The following SNTG1 variants were observed in gnomAD, a reference collection of about 807,000 sequenced individuals.
The protein encoded by SNTG1 is syntrophin gamma 1.
In SNTG1, 39 loss-of-function variants were observed where a neutral mutation model predicts 74.7. The ratio of observed to expected loss-of-function variants is 0.52; its 90% CI spans 0.40 to 0.68. SNTG1 has a LOEUF of 0.68. Among genes scored for constraint, SNTG1 ranks in the 30% least tolerant of loss-of-function variants. The pLI, the probability that SNTG1 is intolerant of heterozygous loss-of-function variation, is 0.00. For missense variants in SNTG1, 685 were observed against 609.5 expected, an observed-to-expected ratio of 1.12 and a Z score of -1.30; for synonymous variants, 254 against 217.1, an observed-to-expected ratio of 1.17 and a Z score of -1.49.
chr8:50,679,823 T>G (rs1209638321), intron 15 of SNTG1, among the ~76,000 whole-genome samples: 1 of 152,172 alleles, frequency 6.6e-6, no homozygotes, highest in Non-Finnish European at 1.5e-5. Flanking sequence ...TTTGTAACTT[T>G]TGAAGATTGC....
intron 9 of SNTG1, among the ~76,000 whole-genome samples, chr8:50,511,693 C>T (rs779829432): frequency 3.9e-5 from 6 of 152,124 alleles, no homozygotes; most frequent in Non-Finnish European, 5.9e-5. Flanking sequence ...CTCTTTTCAT[C>T]TTTGTTGGTT....
chr8:50,057,123 C>G (rs892961157), intron 1 of SNTG1, among the ~76,000 whole-genome samples: 2 of 152,110 alleles, frequency 1.3e-5, no homozygotes, highest in Admixed American at 1.3e-4. Context: ...AAATAAATTA[C>G]GTGGACAGCC....
At chr8:50,139,358 C>A (rs575953577) in intron 1 of SNTG1, among the ~76,000 whole-genome samples, 1 of 152,250 alleles carries the variant, frequency 6.6e-6, no homozygotes, top group East Asian at 1.9e-4. Context: ...TGCATAATTT[C>A]TAAATATGAC....
At chr8:50,759,625 G>A (rs1360675264) in intron 18 of SNTG1, among the ~76,000 whole-genome samples, 2 of 151,926 alleles carry the variant, frequency 1.3e-5, no homozygotes, top group African/African-American at 4.8e-5. Flanking sequence ...TTGTAGATGT[G>A]TGGTATTATT....
At chr8:50,432,537 T>C (rs2093249823) in intron 4 of SNTG1, among the ~76,000 whole-genome samples, 1 of 152,146 alleles carries the variant, frequency 6.6e-6, no homozygotes, top group African/African-American at 2.4e-5. Flanking sequence ...ATTAGTTTGC[T>C]AGTATCCACA....
In SNTG1 at chr8:50,018,399, A is replaced by G. The variant is rs553673857; in HGVS notation, c.-103+106168A>G. Among the ~76,000 whole-genome samples, 9 of 152,162 alleles carry G rather than the reference A, an allele frequency of 5.9e-5. No homozygotes were observed. In the South Asian group the frequency reaches 1.4e-3, roughly 25 times the overall value. On this transcript the variant is annotated intron_variant, in intron 1 of 18. Coordinates refer to ENST00000642720, the MANE Select transcript of SNTG1 (RefSeq NM_018967.5). ...TGCCAAGATCATTCAATGGAGAGGG[A>G]AAATTCTTGTTAACAAATGTTCCTG...
At chr8:50,591,018 A>T in intron 13 of SNTG1, 101 bp downstream of exon 13, 3 of 690,882 alleles carry the variant, frequency 4.3e-6, no homozygotes, top group Non-Finnish European at 6.8e-6. Flanking sequence ...AATAATTGGT[A>T]CTGTCATTTA....
chr8:50,427,466 G>A (rs181341456), intron 4 of SNTG1, among the ~76,000 whole-genome samples: 3 of 152,140 alleles, frequency 2.0e-5, no homozygotes, highest in Admixed American at 6.5e-5. Flanking sequence ...GTCTCCCTCT[G>A]TTACCAAGCT....
intron 18 of SNTG1, among the ~76,000 whole-genome samples, chr8:50,768,962 G>A (rs951965528): frequency 1.3e-5 from 2 of 152,016 alleles, no homozygotes; most frequent in African/African-American, 4.8e-5. Context: ...GTGTGGTGAA[G>A]AAGATATCTG....
At chr8:50,709,669 G>A (rs948202936) in intron 17 of SNTG1, among the ~76,000 whole-genome samples, 1 of 152,100 alleles carries the variant, frequency 6.6e-6, no homozygotes, top group Admixed American at 6.5e-5. Flanking sequence ...TTAATTGGAA[G>A]CGATCTTAAA....
chr8:50,290,161 T>C (rs4873143), intron 2 of SNTG1, among the ~76,000 whole-genome samples: 89,985 of 151,976 alleles, frequency 0.59, 29,311 homozygotes, highest in East Asian at 0.85. Context: ...GAAACATTCC[T>C]TCAGCCTCAT....
At chr8:50,702,941 A>C (rs1434610443) in intron 15 of SNTG1, among the ~76,000 whole-genome samples, 1 of 152,230 alleles carries the variant, frequency 6.6e-6, no homozygotes, top group Non-Finnish European at 1.5e-5. Flanking sequence ...ATTTAAAAAA[A>C]AAATGATACA....
chr8:50,153,700 G>T (rs561474404), intron 1 of SNTG1, among the ~76,000 whole-genome samples: 2 of 152,152 alleles, frequency 1.3e-5, no homozygotes, highest in Non-Finnish European at 1.5e-5. Flanking sequence ...TATCAGCAGC[G>T]GAGGCTGCAG....
intron 13 of SNTG1, among the ~76,000 whole-genome samples, chr8:50,643,529 CAACT>C (rs2095087156): frequency 6.6e-6 from 1 of 152,190 alleles, no homozygotes. Context: ...AACTCGCAAC[CAACT>C]ATGTGCCCTT....
At chr8:50,139,756 T>A (rs1330610277) in intron 1 of SNTG1, among the ~76,000 whole-genome samples, 1 of 152,214 alleles carries the variant, frequency 6.6e-6, no homozygotes, top group African/African-American at 2.4e-5. Flanking sequence ...CAGCTAATTA[T>A]CTTTCATGTG....
chr8:50,593,798 A>G (rs375680366), intron 13 of SNTG1, among the ~76,000 whole-genome samples: 34 of 151,088 alleles, frequency 2.3e-4, no homozygotes, highest in African/African-American at 7.3e-4. Context: ...GCTCACTGCA[A>G]CCTCCGCCTC....
At chr8:50,073,396 G>A (rs927908698) in intron 1 of SNTG1, among the ~76,000 whole-genome samples, 4 of 152,052 alleles carry the variant, frequency 2.6e-5, no homozygotes, top group African/African-American at 9.7e-5. Context: ...TCTAATTCTA[G>A]TTCTCTTGTT....
chr8:50,384,565 C>T (rs1349888946), intron 2 of SNTG1, among the ~76,000 whole-genome samples: 1 of 152,134 alleles, frequency 6.6e-6, no homozygotes, highest in Non-Finnish European at 1.5e-5. Flanking sequence ...CCATACTGGG[C>T]TCAGTGTTGG....
At chr8:50,135,223 T>C (rs1483458169) in intron 1 of SNTG1, among the ~76,000 whole-genome samples, 1 of 152,222 alleles carries the variant, frequency 6.6e-6, no homozygotes, top group African/African-American at 2.4e-5. Flanking sequence ...TTCTCAAAGC[T>C]TTCTGAATGA....
Sources: allele counts gnomAD v4.1 joint callset (sites outside exome capture counted in the v4.1 genomes callset), GRCh38; gene constraint gnomAD v4.1.1; transcripts MANE v1.5; gene names NCBI Gene and HGNC (gene_info 2026-07-23, HGNC 2026-07-21).